SCHIP1: variants seen among roughly 807,000 people sequenced by gnomAD.
SCHIP1 encodes the protein schwannomin-interacting protein 1.
SCHIP1 carries 8 observed loss-of-function variants against 29.7 expected under a neutral mutation model. The ratio of observed to expected loss-of-function variants is 0.27; its 90% CI spans 0.16 to 0.49. The LOEUF (loss-of-function observed/expected upper bound fraction) is 0.49. Ranked by LOEUF, SCHIP1 falls within the 20% of genes least tolerant of loss-of-function variation. The pLI, the probability that SCHIP1 is intolerant of heterozygous loss-of-function variation, is 0.99. For missense variants in SCHIP1, 193 were observed against 294.6 expected, an observed-to-expected ratio of 0.66 and a Z score of 2.52; for synonymous variants, 76 against 94.9, an observed-to-expected ratio of 0.80 and a Z score of 1.16.
chr3:159,350,344 G>T, the SCHIP1 span, among the ~76,000 whole-genome samples: 4 of 152,010 alleles, frequency 2.6e-5, no homozygotes, highest in Admixed American at 2.6e-4. Flanking sequence ...TTATTTAAAT[G>T]AATTTTTGAA....
At chr3:159,425,925 C>T in the SCHIP1 span, among the ~76,000 whole-genome samples, 12 of 152,312 alleles carry the variant, frequency 7.9e-5, no homozygotes, top group African/African-American at 9.6e-5. Context: ...AGCTGAATAA[C>T]CTGCTCCTGA....
chr3:159,477,221 G>A, the SCHIP1 span, among the ~76,000 whole-genome samples: 1 of 152,002 alleles, frequency 6.6e-6, no homozygotes, highest in Admixed American at 6.6e-5. Context: ...TTATGCCTTG[G>A]CTATTGTGAA....
At chr3:159,650,141 CCAGGA>C in the SCHIP1 span, among the ~76,000 whole-genome samples, 24 of 152,224 alleles carry the variant, frequency 1.6e-4, no homozygotes, top group Middle Eastern at 3.4e-3. Flanking sequence ...TATAAACTAT[CCAGGA>C]CAGATGGTAT....
the SCHIP1 span, among the ~76,000 whole-genome samples, chr3:159,417,026 T>C: frequency 6.6e-6 from 1 of 152,318 alleles, no homozygotes; most frequent in South Asian, 2.1e-4. Flanking sequence ...CTGGCCAACC[T>C]CAATCTGTAA....
chr3:159,805,934 G>A, the SCHIP1 span, among the ~76,000 whole-genome samples: 153 of 151,450 alleles, frequency 1.0e-3, no homozygotes, highest in African/African-American at 3.6e-3. Context: ...TCAGCGTCCC[G>A]AGTAGCTGGG....
At chr3:159,471,394 G>A in the SCHIP1 span, among the ~76,000 whole-genome samples, 7 of 152,160 alleles carry the variant, frequency 4.6e-5, no homozygotes, top group South Asian at 1.4e-3. Flanking sequence ...AATTGTCATA[G>A]AATACTAACT....
At chr3:159,633,363 G>T in the SCHIP1 span, among the ~76,000 whole-genome samples, 1 of 152,120 alleles carries the variant, frequency 6.6e-6, no homozygotes, top group Non-Finnish European at 1.5e-5. Context: ...GACCTGAAAA[G>T]CACACGTCTC....
chr3:159,555,518 T>C, the SCHIP1 span, among the ~76,000 whole-genome samples: 5,344 of 152,302 alleles, frequency 0.035, 130 homozygotes, highest in Non-Finnish European at 0.054. Context: ...TGGTACAAAT[T>C]ATATTGGGTA....
chr3:159,852,823 T>A (rs1160594645), intron 1 of SCHIP1: 1 of 152,272 alleles, frequency 6.6e-6, no homozygotes, highest in Non-Finnish European at 1.5e-5. Flanking sequence ...GGTCAGCCTT[T>A]AAATTATACT....
chr3:159,831,102 T>C, the SCHIP1 span, among the ~76,000 whole-genome samples: 1 of 152,180 alleles, frequency 6.6e-6, no homozygotes, highest in South Asian at 2.1e-4. Flanking sequence ...GTAGCTTGCC[T>C]CTTAGCCTGA....
At chr3:159,888,016 G>A (rs544723305) in intron 4 of SCHIP1, 111 bp downstream of exon 5, 209 of 1,397,544 alleles carry the variant, frequency 1.5e-4, no homozygotes, top group Admixed American at 1.9e-4. Context: ...AAGGCGGTTT[G>A]TAAAAAGTCC....
the SCHIP1 span, among the ~76,000 whole-genome samples, chr3:159,554,659 G>A: frequency 1.8e-4 from 27 of 152,054 alleles, no homozygotes; most frequent in African/African-American, 4.8e-4. Flanking sequence ...GATTCACTAT[G>A]GTTCTAGCTT....
At chr3:159,864,731 G>A (rs1224912455) in intron 1 of SCHIP1, among the ~76,000 whole-genome samples, 1 of 152,112 alleles carries the variant, frequency 6.6e-6, no homozygotes, top group Non-Finnish European at 1.5e-5. Flanking sequence ...AGAGCCTGGG[G>A]CATTCTAATG....
chr3:159,881,869 G>C (rs958931537), intron 2 of SCHIP1, among the ~76,000 whole-genome samples: 1 of 152,162 alleles, frequency 6.6e-6, no homozygotes, highest in East Asian at 1.9e-4. Context: ...AGTCATCTCC[G>C]GTCAGCGAGG....
the SCHIP1 span, among the ~76,000 whole-genome samples, chr3:159,656,633 A>T: frequency 2.6e-5 from 4 of 152,308 alleles, 1 homozygote; most frequent in South Asian, 8.3e-4. Flanking sequence ...CATCTGAATT[A>T]CGTGGTACCC....
At chr3:159,277,182 AT>A in the SCHIP1 span, among the ~76,000 whole-genome samples, 2 of 152,262 alleles carry the variant, frequency 1.3e-5, no homozygotes, top group South Asian at 2.1e-4. Context: ...CACCGGTTTC[AT>A]TTTGTGTGCT....
the SCHIP1 span, among the ~76,000 whole-genome samples, chr3:159,542,843 C>T: frequency 3.8e-4 from 57 of 151,918 alleles, no homozygotes; most frequent in African/African-American, 1.1e-3. Flanking sequence ...GAACTGAGAC[C>T]AAAATAAAGA....
the SCHIP1 span, among the ~76,000 whole-genome samples, chr3:159,696,134 C>T: frequency 6.6e-6 from 1 of 152,168 alleles, no homozygotes; most frequent in African/African-American, 2.4e-5. Context: ...ATCCCCTTAG[C>T]TTTCAGAATA....
At chr3:159,383,609 A>C in the SCHIP1 span, among the ~76,000 whole-genome samples, 1 of 138,138 alleles carries the variant, frequency 7.2e-6, no homozygotes, top group Non-Finnish European at 1.6e-5. Context: ...TTGGTTCCAT[A>C]TGAACTTTAA....
Sources: gnomAD v4.1 joint callset for allele counts (sites outside exome capture counted in the v4.1 genomes callset) on GRCh38, gnomAD v4.1.1 for gene constraint, MANE v1.5 for transcripts, NCBI Gene and HGNC (gene_info 2026-07-23, HGNC 2026-07-21) for gene names.